Variants in RBL1 observed in about 807,000 individuals in gnomAD.
RBL1 encodes the protein RB transcriptional corepressor like 1, also known as retinoblastoma-like protein 1.
Under a neutral mutation model 123.0 loss-of-function variants are expected in RBL1, and 82 were observed. That is an observed-to-expected ratio of 0.67 (90% CI 0.56 to 0.80). The LOEUF is 0.80. Ranked by LOEUF, RBL1 falls within the 30% of genes least tolerant of loss-of-function variation. The pLI is 0.00. For missense variants in RBL1, 1,171 were observed against 1,299.6 expected (o/e 0.90, Z 1.52); for synonymous variants, 405 against 441.3 (o/e 0.92, Z 1.03).
chr20:36,998,956 A>G (rs531809934), intron 21 of RBL1, 27 bp from the exon 22 acceptor site: 2 of 1,591,222 alleles, frequency 1.3e-6, no homozygotes, highest in East Asian at 4.5e-5. Flanking sequence ...AACGTGTGTG[A>G]GTAAAAGAGG....
intron 2 of RBL1, among the ~76,000 whole-genome samples, chr20:37,076,282 G>A (rs2065362699): frequency 6.6e-6 from 1 of 152,122 alleles, no homozygotes; most frequent in African/African-American, 2.4e-5. Flanking sequence ...ATATACCTAT[G>A]ATAAAGTTTC....
In RBL1 at chr20:37,044,250, C is replaced by A. The variant is rs768404975; in HGVS notation, c.1606G>T (p.Val536Phe). ...LNLQPFYFYKVIEVVIRSEEG... is the reference protein window; with the variant it reads ...LNLQPFYFYKFIEVVIRSEEG... ...TCTGAGCGGATCACCACCTCAATAA[C>A]CTGCAGAGGAGAAAGTGAGAAGGCA... Residue 536 changes from valine to phenylalanine, a missense_variant and splice_region_variant, in exon 13 of 22, where the codon GTT becomes TTT. Val to Phe is a conservative substitution (Grantham distance 50, BLOSUM62 -1). Coordinates refer to ENST00000373664, the MANE Select transcript of RBL1 (RefSeq NM_002895.5). The A allele has an allele frequency of 3.1e-6, 5 of 1,613,462 alleles. No individual in the cohort carries two copies. The South Asian group carries it at 5.5e-5, about 18-fold the overall frequency.
chr20:37,074,291 G>A (rs971066573), intron 2 of RBL1, among the ~76,000 whole-genome samples: 2 of 151,622 alleles, frequency 1.3e-5, no homozygotes, highest in African/African-American at 4.9e-5. Flanking sequence ...GCATGCACCT[G>A]TGATCTTAGC....
intron 18 of RBL1, among the ~76,000 whole-genome samples, chr20:37,019,917 C>A (rs1212021852): frequency 1.3e-5 from 2 of 152,016 alleles, no homozygotes; most frequent in African/African-American, 4.8e-5. Flanking sequence ...ACGGTCAGAA[C>A]AATATAATCA....
At chr20:37,012,899 C>T (rs1360593808) in intron 19 of RBL1, among the ~76,000 whole-genome samples, 3 of 148,960 alleles carry the variant, frequency 2.0e-5, no homozygotes, top group Non-Finnish European at 4.5e-5. Flanking sequence ...CCAGCCGCCC[C>T]GTCCGGGAGG....
intron 19 of RBL1, among the ~76,000 whole-genome samples, chr20:37,008,337 T>C (rs972619002): frequency 3.3e-5 from 5 of 152,208 alleles, no homozygotes; most frequent in Non-Finnish European, 7.3e-5. Context: ...TACATTTATT[T>C]CTCTGCAAAT....
Position 37,055,596 on chromosome 20 carries a change from A to C in RBL1, c.1424T>G (p.Val475Gly), listed in dbSNP as rs376148824. Residue 475 changes from valine (V) to glycine (G), a missense_variant, in exon 11 of 22, where the codon GTA (valine) becomes GGA (glycine). Physicochemically the swap from Val to Gly is moderately radical, Grantham distance 109. Transcript: ENST00000373664. ...EILYYKILET[V>G]MVQETRRLHG... Reference sequence around the variant, plus strand: ...AAGTCTTCGTGTTTCCTGAACCATTACAGTCTCTAGTATTTTATAATACAA... The same window carrying C: ...AAGTCTTCGTGTTTCCTGAACCATTCCAGTCTCTAGTATTTTATAATACAA... 1 of 1,614,014 alleles carries C rather than the reference A, an allele frequency of 6.2e-7. No homozygotes were observed. The highest frequency in any genetic ancestry group is 1.3e-5 in the African/African-American group (1 of 74,920).
chr20:37,044,627 C>G (rs1196669893), intron 12 of RBL1, among the ~76,000 whole-genome samples: 1 of 152,166 alleles, frequency 6.6e-6, no homozygotes, highest in Non-Finnish European at 1.5e-5. Context: ...TTGTGAGCCA[C>G]TGCGCCCGGC....
intron 3 of RBL1, among the ~76,000 whole-genome samples, chr20:37,067,644 C>T (rs374781159): frequency 1.3e-4 from 19 of 151,718 alleles, no homozygotes; most frequent in African/African-American, 4.3e-4. Context: ...GTGGTGCACA[C>T]CTGTGATCCC....
rs1053005011 is a variant in RBL1 at position 37,095,790 on chromosome 20, C to T, written c.139G>A (p.Gly47Ser). ...CCGCTCACCTCTAGGCTGTAGTTGC[C>T]TCGGATGGCAGTAAAGTCGTCCAGG... is the stretch of plus-strand genomic sequence containing the variant. Reference protein sequence around the residue: ...EALDDFTAIRGNYSLEGEVTH... With the variant: ...EALDDFTAIRSNYSLEGEVTH... The change falls in exon 1 of 22, where the codon GGC (glycine) becomes AGC (serine). Residue 47 changes from glycine to serine, a missense_variant. Physicochemically the swap from Gly to Ser is moderately conservative, Grantham distance 56. Coordinates refer to ENST00000373664, the MANE Select transcript of RBL1 (RefSeq NM_002895.5). 14 of 1,609,530 alleles carry T rather than the reference C, an allele frequency of 8.7e-6. No homozygotes were observed. The highest frequency in any genetic ancestry group is 1.7e-5 in the Admixed American group (1 of 59,770).
At chr20:37,003,612 CTT>C in intron 21 of RBL1, 88 bp downstream of exon 21, 1 of 1,444,644 alleles carries the variant, frequency 6.9e-7, no homozygotes, top group Non-Finnish European at 9.2e-7. Flanking sequence ...ATAGTAGTAA[CTT>C]GGCCAAAAAA....
At chr20:37,043,061 C>T (rs939644613) in intron 13 of RBL1, among the ~76,000 whole-genome samples, 3 of 152,044 alleles carry the variant, frequency 2.0e-5, no homozygotes, top group African/African-American at 7.2e-5. Context: ...GCAATTCTAG[C>T]ACTTTGGGAG....
At chr20:37,057,560 T>C (rs2065029701) in intron 9 of RBL1, among the ~76,000 whole-genome samples, 1 of 152,230 alleles carries the variant, frequency 6.6e-6, no homozygotes, top group South Asian at 2.1e-4. Context: ...AGTTATTTGT[T>C]GTTCTTGAGT....
In RBL1 at chr20:37,018,284, T is replaced by C; in HGVS notation, c.2717A>G (p.Asp906Gly). The C allele has an allele frequency of 6.2e-7, 1 of 1,608,792 alleles. No homozygotes were observed. The highest frequency in any genetic ancestry group is 8.5e-7 in the Non-Finnish European group (1 of 1,178,208). ...KNINDDFEMI[D>G]CDLEDATKTP... ...TGTTAAATTGGATAACTTACCACAA[T>C]CTATCATTTCAAAGTCATCATTTAT... Residue 906 changes from aspartate (D) to glycine (G), a missense_variant, in exon 19 of 22, where the codon GAT (aspartate) becomes GGT (glycine). By Grantham distance (94) the Asp-to-Gly change is moderately conservative. Coordinates refer to ENST00000373664, the MANE Select transcript of RBL1 (RefSeq NM_002895.5).
intron 11 of RBL1, among the ~76,000 whole-genome samples, chr20:37,054,326 T>C (rs562672133): frequency 5.9e-4 from 89 of 151,426 alleles, no homozygotes; most frequent in Non-Finnish European, 1.1e-3. Flanking sequence ...CTACTAAAAA[T>C]ACGAAAAAAT....
chr20:37,006,059 G>A (rs1208646807), intron 20 of RBL1, among the ~76,000 whole-genome samples: 1 of 151,010 alleles, frequency 6.6e-6, no homozygotes, highest in African/African-American at 2.4e-5. Flanking sequence ...GCCACTACAC[G>A]GCTAGTTTTT....
At chr20:37,031,600 T>C (rs1042389266) in intron 16 of RBL1, among the ~76,000 whole-genome samples, 1 of 152,244 alleles carries the variant, frequency 6.6e-6, no homozygotes, top group African/African-American at 2.4e-5. Flanking sequence ...TGTGCCTTGC[T>C]AGTGGTAATG....
At chr20:37,083,865 G>T (rs950703169) in intron 2 of RBL1, among the ~76,000 whole-genome samples, 3 of 151,128 alleles carry the variant, frequency 2.0e-5, no homozygotes, top group African/African-American at 4.9e-5. Context: ...ATTTTAAAAA[G>T]ACTTAGTTTT....
chr20:37,092,045 C>G (rs1008030156), intron 1 of RBL1, among the ~76,000 whole-genome samples: 4 of 152,086 alleles, frequency 2.6e-5, no homozygotes, highest in African/African-American at 4.8e-5. Flanking sequence ...GGGTTCGAGA[C>G]TAGCTTGGGT....
Sources: allele counts gnomAD v4.1 joint callset (sites outside exome capture counted in the v4.1 genomes callset), GRCh38; gene constraint gnomAD v4.1.1; transcripts MANE v1.5; gene names NCBI Gene and HGNC (gene_info 2026-07-23, HGNC 2026-07-21).